Variants in ATL2 observed in about 807,000 individuals in gnomAD.
The protein encoded by ATL2 is atlastin-2.
Under a neutral mutation model 73.9 loss-of-function variants are expected in ATL2, and 31 were observed. That is an observed-to-expected ratio of 0.42 (90% CI 0.32 to 0.57). The LOEUF is 0.57. Ranked by LOEUF, ATL2 falls within the 20% of genes least tolerant of loss-of-function variation. The pLI is 0.14. For synonymous variants in ATL2, 291 were observed against 237.5 expected, an observed-to-expected ratio of 1.23 and a Z score of -2.07; for missense variants, 738 against 702.6, an observed-to-expected ratio of 1.05 and a Z score of -0.57.
chr2:38,365,001 G>A lies in ATL2; in HGVS notation c.118+12142C>T, dbSNP rs192789671. Among the ~76,000 whole-genome samples the A allele has an allele frequency of 8.8e-4, 133 of 150,678 alleles. 3 individuals carry two copies. The highest frequency in any genetic ancestry group is 3.1e-3 in the African/African-American group (128 of 40,994). On this transcript the variant is annotated intron_variant, in intron 1 of 12. Coordinates refer to ENST00000378954, the MANE Select transcript of ATL2 (RefSeq NM_001135673.4). ...GGAGCTTGCAGTGAGCTGAGATCAC[G>A]CCACTGCACTCCAGCCTGGGGTACA...
chr2:38,377,299 A>C, upstream of ATL2: 75 of 1,436,552 alleles, frequency 5.2e-5, no homozygotes, highest in Non-Finnish European at 6.4e-5. Context: ...CTGACGTCAA[A>C]CGCCGCCGCC....
intron 1 of ATL2, among the ~76,000 whole-genome samples, chr2:38,360,911 A>G (rs575717904): frequency 4.1e-4 from 62 of 150,704 alleles, no homozygotes; most frequent in Non-Finnish European, 7.1e-4. Context: ...CTTGTTCACC[A>G]AAGTATTGTT....
intron 4 of ATL2, among the ~76,000 whole-genome samples, chr2:38,315,745 T>C (rs763292646): frequency 6.6e-6 from 1 of 152,200 alleles, no homozygotes; most frequent in Non-Finnish European, 1.5e-5. Flanking sequence ...TTTACAAAGA[T>C]AAATTCTTCC....
intron 1 of ATL2, among the ~76,000 whole-genome samples, chr2:38,351,346 G>A (rs1573551344): frequency 6.6e-6 from 1 of 152,116 alleles, no homozygotes; most frequent in South Asian, 2.1e-4. Flanking sequence ...AAGGAAATAA[G>A]GACACTAATT....
At chr2:38,362,193 A>G (rs67859290) in intron 1 of ATL2, among the ~76,000 whole-genome samples, 4,840 of 152,330 alleles carry the variant, frequency 0.032, 100 homozygotes, top group Non-Finnish European at 0.05. Context: ...ATTCGCTAAC[A>G]TCTGGTATTT....
intron 9 of ATL2, among the ~76,000 whole-genome samples, chr2:38,302,986 C>T (rs72902106): frequency 0.1 from 15,277 of 152,062 alleles, 2,575 homozygotes; most frequent in African/African-American, 0.35. Context: ...AAATAAAGCA[C>T]CAGTGACCAA....
chr2:38,294,116 G>C lies in ATL2; in HGVS notation c.*1878C>G, dbSNP rs1174343994. 6.6e-6 allele frequency among the ~76,000 whole-genome samples: 1 copy of C among 152,218 alleles called. No homozygotes were observed. The highest frequency in any genetic ancestry group is 1.5e-5 in the Non-Finnish European group (1 of 68,026). On this transcript the variant is annotated 3_prime_UTR_variant, in exon 13 of 13. Transcript: ENST00000378954. Reference sequence around the variant, plus strand: ...GGATTCTTTAAGAACAGATAAGTTAGCAATTTAATACAGATGAAAACAAAT... The same window carrying C: ...GGATTCTTTAAGAACAGATAAGTTACCAATTTAATACAGATGAAAACAAAT...
intron 2 of ATL2, among the ~76,000 whole-genome samples, chr2:38,325,691 C>CCAGA (rs1668589539): frequency 4.9e-5 from 3 of 61,296 alleles, no homozygotes; most frequent in East Asian, 1.0e-3. Context: ...CACACACACA[C>CCAGA]ACACCAGTAC....
intron 2 of ATL2, among the ~76,000 whole-genome samples, chr2:38,334,629 C>T (rs1218712365): frequency 1.3e-5 from 2 of 151,030 alleles, no homozygotes; most frequent in African/African-American, 2.4e-5. Context: ...ACCTGGGAGG[C>T]GGAGGTTGCG....
chr2:38,340,632 TC>T (rs1330157551), intron 2 of ATL2, among the ~76,000 whole-genome samples: 1 of 152,210 alleles, frequency 6.6e-6, no homozygotes, highest in Non-Finnish European at 1.5e-5. Flanking sequence ...TCTACTTCTT[TC>T]AGCTAGCATC....
chr2:38,317,462 G>T (rs1279307562), intron 4 of ATL2, among the ~76,000 whole-genome samples: 1 of 152,078 alleles, frequency 6.6e-6, no homozygotes, highest in Non-Finnish European at 1.5e-5. Flanking sequence ...ACTAGAACCG[G>T]ATAGAACACC....
At chr2:38,320,043 G>A (rs1466037848) in intron 2 of ATL2, among the ~76,000 whole-genome samples, 1 of 152,102 alleles carries the variant, frequency 6.6e-6, no homozygotes, top group Non-Finnish European at 1.5e-5. Flanking sequence ...GTGGGCAGAG[G>A]TTGCAGTGAG....
Position 38,298,474 on chromosome 2 carries a change from C to T in ATL2, c.1302G>A (p.Lys434=). The change falls in exon 12 of 13, where the codon AAG becomes AAA. Residue 434 remains lysine (K), a synonymous_variant. Coordinates refer to ENST00000378954, the MANE Select transcript of ATL2 (RefSeq NM_001135673.4). ...VAIKQFRSVK[K]MGGDEFCRRY... The stretch of plus-strand genomic sequence containing the variant: ...GACGGCAGAACTCATCTCCACCCAT[C>T]TTTTTTACTGAACGAAATTGTTTTA... The T allele has an allele frequency of 6.2e-7, 1 of 1,614,166 alleles. No individual in the cohort carries two copies.
intron 1 of ATL2, among the ~76,000 whole-genome samples, chr2:38,350,829 A>AT: frequency 6.6e-6 from 1 of 152,294 alleles, no homozygotes. Flanking sequence ...ATCACACATT[A>AT]TCTTAAATCT....
At chr2:38,345,179 T>C (rs745411064) in intron 1 of ATL2, among the ~76,000 whole-genome samples, 10 of 152,176 alleles carry the variant, frequency 6.6e-5, no homozygotes, top group Non-Finnish European at 1.2e-4. Context: ...CTTGAGCCTG[T>C]CTACTAAGTG....
chr2:38,298,028 G>A, intron 12 of ATL2, 116 bp downstream of exon 12: 1 of 917,752 alleles, frequency 1.1e-6, no homozygotes, highest in South Asian at 1.8e-5. Context: ...CAAAACAGAA[G>A]ACATCCTTTT....
In ATL2 at chr2:38,377,236, G is replaced by C. The variant is rs375448345; in HGVS notation, c.25C>G (p.Arg9Gly). The change falls in exon 1 of 13, where the codon CGA (arginine) becomes GGA (glycine). Residue 9 changes from arginine (R) to glycine (G), a missense_variant. By Grantham distance (125) the Arg-to-Gly change is moderately radical (BLOSUM62 -2). Transcript: ENST00000378954. ...AGCCCCTGGTGCGGTTGCTGCCCTC[G>C]CGCTGCCTCGTCCCCCTCCGCCATC... Reference protein sequence around the residue: MAEGDEAARGQQPHQGLWR... With the variant: MAEGDEAAGGQQPHQGLWR... 6.3e-7 allele frequency: 1 copy of C among 1,598,226 alleles called. No homozygotes were observed. The highest frequency in any genetic ancestry group is 1.7e-5 in the Admixed American group (1 of 57,834).
chr2:38,305,560 C>A (rs375486093), intron 9 of ATL2, among the ~76,000 whole-genome samples: 26 of 151,628 alleles, frequency 1.7e-4, no homozygotes, highest in African/African-American at 5.6e-4. Context: ...AAAAAAAAAT[C>A]AAAAAAATTG....
At chr2:38,308,810 T>C (rs1408739275) in intron 9 of ATL2, among the ~76,000 whole-genome samples, 1 of 152,018 alleles carries the variant, frequency 6.6e-6, no homozygotes, top group East Asian at 1.9e-4. Context: ...AAAGATAATA[T>C]GAGAGTAACT....
Sources: allele counts gnomAD v4.1 joint callset (sites outside exome capture counted in the v4.1 genomes callset), GRCh38; gene constraint gnomAD v4.1.1; transcripts MANE v1.5; gene names NCBI Gene and HGNC (gene_info 2026-07-23, HGNC 2026-07-21).